PIK3R4: variants seen among roughly 807,000 people sequenced by gnomAD.
PIK3R4 encodes the protein phosphoinositide 3-kinase regulatory subunit 4.
A neutral mutation model predicts 136.5 loss-of-function variants in PIK3R4; 46 were observed. The observed-to-expected ratio is 0.34, with a 90% CI of 0.27 to 0.43. The LOEUF (loss-of-function observed/expected upper bound fraction) is 0.43. Among genes scored for constraint, PIK3R4 ranks in the 20% least tolerant of loss-of-function variants. PIK3R4 has a pLI of 1.00. For missense variants in PIK3R4, 1,331 were observed against 1,649.5 expected, an observed-to-expected ratio of 0.81 and a Z score of 3.35; for synonymous variants, 557 against 566.7, an observed-to-expected ratio of 0.98 and a Z score of 0.24.
At chr3:130,736,397 C>T (rs374440951) in intron 2 of PIK3R4, among the ~76,000 whole-genome samples, 14 of 152,096 alleles carry the variant, frequency 9.2e-5, no homozygotes, top group East Asian at 5.8e-4. Context: ...GATGAAAGCC[C>T]GTCTCTATCA....
chr3:130,733,853 A>G lies in PIK3R4; in HGVS notation c.1145T>C (p.Ile382Thr). 1.9e-6 allele frequency: 3 copies of G among 1,614,196 alleles called. No homozygotes were observed. Among genetic ancestry groups the G allele is most frequent in the Non-Finnish European group, 2.5e-6 (3 of 1,180,018 alleles). Residue 382 changes from isoleucine to threonine, a missense_variant, in exon 4 of 20, where the codon ATA (isoleucine) becomes ACA (threonine). By Grantham distance (89) the Ile-to-Thr change is moderately conservative. This residue lies in a region of PIK3R4 where 1,180 missense variants were observed against 1,407.0 expected (regional missense o/e 0.84). Coordinates refer to ENST00000356763, the MANE Select transcript of PIK3R4 (RefSeq NM_014602.3). ...TTTAAGGGTCTGTAGGCAGGATGTT[A>G]TAACAGATACCAAGATAACCAGCCC... The part of the protein sequence containing the change: ...ENGLVILVSV[I>T]TSCLQTLKYC...
At chr3:130,716,724 T>C (rs2107612659) in intron 8 of PIK3R4, 125 bp from the exon 9 acceptor site, 2 of 637,926 alleles carry the variant, frequency 3.1e-6, no homozygotes, top group Non-Finnish European at 2.7e-6. Flanking sequence ...TATCAACATC[T>C]GTAAGTGTGT....
chr3:130,738,510 G>T (rs1326418333), intron 2 of PIK3R4, among the ~76,000 whole-genome samples: 1 of 152,058 alleles, frequency 6.6e-6, no homozygotes, highest in East Asian at 1.9e-4. Context: ...TACATATATT[G>T]CCTGGCTTTG....
intron 9 of PIK3R4, among the ~76,000 whole-genome samples, chr3:130,712,845 C>T (rs779412551): frequency 5.3e-5 from 8 of 152,090 alleles, no homozygotes; most frequent in Non-Finnish European, 1.2e-4. Context: ...TGGGCTTCTC[C>T]CTAAGTCTGT....
At chr3:130,696,560 T>C (rs1203456969) in intron 13 of PIK3R4, among the ~76,000 whole-genome samples, 1 of 152,192 alleles carries the variant, frequency 6.6e-6, no homozygotes, top group Non-Finnish European at 1.5e-5. Flanking sequence ...ATTTCCTAAC[T>C]TCCCTTCTGT....
At chr3:130,698,664 T>C (rs1207632092) in intron 13 of PIK3R4, among the ~76,000 whole-genome samples, 2 of 152,224 alleles carry the variant, frequency 1.3e-5, no homozygotes, top group Non-Finnish European at 2.9e-5. Context: ...AAAATCTATG[T>C]CTAGTAAGGT....
chr3:130,744,826 C>G lies in PIK3R4; in HGVS notation c.393G>C (p.Gln131His). The change falls in exon 2 of 20, where the codon CAG becomes CAC. Residue 131 changes from glutamine to histidine, a missense_variant. Around this residue, in one of 2 missense-constraint regions of PIK3R4, gnomAD observed 151 missense variants for 242.5 expected, o/e 0.62. Coordinates refer to ENST00000356763, the MANE Select transcript of PIK3R4 (RefSeq NM_014602.3). ...NNIEKRWIAF[Q>H]ILTAVDQAHK... ...GTGCTTGGTCCACAGCTGTCAGGAT[C>G]TGGAAAGCAATCCAGCGCTTCTCAA... 1 of 1,614,218 alleles carries G rather than the reference C, an allele frequency of 6.2e-7. No homozygotes were observed. Among genetic ancestry groups the G allele is most frequent in the Non-Finnish European group, 8.5e-7 (1 of 1,180,036 alleles).
At chr3:130,743,303 C>T (rs1371564701) in intron 2 of PIK3R4, among the ~76,000 whole-genome samples, 1 of 151,854 alleles carries the variant, frequency 6.6e-6, no homozygotes, top group Non-Finnish European at 1.5e-5. Flanking sequence ...CCTGCAGTCC[C>T]GGCTACACAA....
chr3:130,714,699 A>G (rs1364624081), intron 9 of PIK3R4, among the ~76,000 whole-genome samples: 1 of 150,454 alleles, frequency 6.6e-6, no homozygotes, highest in Non-Finnish European at 1.5e-5. Flanking sequence ...GAGAACATGC[A>G]GTGTTTGGTT....
intron 2 of PIK3R4, among the ~76,000 whole-genome samples, chr3:130,742,464 T>C (rs929582181): frequency 1.2e-4 from 18 of 152,176 alleles, no homozygotes; most frequent in Non-Finnish European, 2.6e-4. Flanking sequence ...GTAAAAATGG[T>C]TCAAGAAAAT....
At chr3:130,734,509 C>T (rs987939910) in intron 3 of PIK3R4, among the ~76,000 whole-genome samples, 2 of 152,174 alleles carry the variant, frequency 1.3e-5, no homozygotes, top group South Asian at 2.1e-4. Context: ...TTAAAAAACA[C>T]ATACAATTCT....
At chr3:130,694,159 ACT>A (rs1283784287) in intron 13 of PIK3R4, among the ~76,000 whole-genome samples, 1 of 152,134 alleles carries the variant, frequency 6.6e-6, no homozygotes, top group African/African-American at 2.4e-5. Context: ...CCCGTACTAC[ACT>A]GTCTTAATTT....
intron 2 of PIK3R4, among the ~76,000 whole-genome samples, chr3:130,738,259 G>C (rs1309870733): frequency 6.6e-6 from 1 of 152,148 alleles, no homozygotes; most frequent in Non-Finnish European, 1.5e-5. Flanking sequence ...TTAAGGTAGG[G>C]TAAGCTATGA....
intron 13 of PIK3R4, among the ~76,000 whole-genome samples, chr3:130,699,565 G>A (rs1182287637): frequency 1.3e-5 from 2 of 152,150 alleles, no homozygotes; most frequent in Non-Finnish European, 2.9e-5. Flanking sequence ...TGAGAGTCAG[G>A]TGTTTTTCTT....
chr3:130,698,807 A>G (rs1302517936), intron 13 of PIK3R4, among the ~76,000 whole-genome samples: 1 of 152,198 alleles, frequency 6.6e-6, no homozygotes, highest in Non-Finnish European at 1.5e-5. Context: ...CTATTTGTTT[A>G]ATGACTTTCC....
chr3:130,716,769 C>G (rs139962210), intron 8 of PIK3R4, among the ~76,000 whole-genome samples, 170 bp from the exon 9 acceptor site: 337 of 152,010 alleles, frequency 2.2e-3, no homozygotes, highest in African/African-American at 7.7e-3. Flanking sequence ...ATTTAAAGAG[C>G]TAAGGTATCT....
At chr3:130,739,157 A>G (rs1243552840) in intron 2 of PIK3R4, among the ~76,000 whole-genome samples, 1 of 152,154 alleles carries the variant, frequency 6.6e-6, no homozygotes, top group African/African-American at 2.4e-5. Context: ...GCTCACTGCA[A>G]GCTCCGCCTC....
intron 7 of PIK3R4, among the ~76,000 whole-genome samples, chr3:130,721,108 G>C (rs563141135): frequency 6.6e-6 from 1 of 152,140 alleles, no homozygotes; most frequent in African/African-American, 2.4e-5. Flanking sequence ...GGCTGAGGCG[G>C]GCGGATCACG....
At chr3:130,702,124 A>C (rs919407647) in intron 13 of PIK3R4, among the ~76,000 whole-genome samples, 1 of 152,104 alleles carries the variant, frequency 6.6e-6, no homozygotes, top group African/African-American at 2.4e-5. Context: ...CCTGGGCAAA[A>C]AGAGACCCTG....
Sources: allele counts gnomAD v4.1 joint callset (sites outside exome capture counted in the v4.1 genomes callset), GRCh38; gene constraint gnomAD v4.1.1; regional missense constraint gnomAD v4.1.1; transcripts MANE v1.5; gene names NCBI Gene and HGNC (gene_info 2026-07-23, HGNC 2026-07-21).